HIPK3: variants seen among roughly 807,000 people sequenced by gnomAD.
HIPK3 encodes the protein homeodomain-interacting protein kinase 3.
Under a neutral mutation model 124.2 loss-of-function variants are expected in HIPK3, and 47 were observed. The ratio of observed to expected loss-of-function variants is 0.38; its 90% CI spans 0.30 to 0.48. The LOEUF (loss-of-function observed/expected upper bound fraction) is 0.48. Among genes scored for constraint, HIPK3 ranks in the 20% least tolerant of loss-of-function variants. The probability of loss-of-function intolerance (pLI) is 0.98; values close to 1 mark genes in which losing one functional copy is unlikely to be tolerated. For missense variants in HIPK3, 1,286 were observed against 1,454.3 expected (o/e 0.88, Z 1.88); for synonymous variants, 482 against 515.2 (o/e 0.94, Z 0.87).
chr11:33,281,058 C>CTTTTTTTTTTTTTTT lies in HIPK3; in HGVS notation c.-2-5340_-2-5326dup, dbSNP rs56902582. On this transcript the variant is annotated intron_variant, in intron 1 of 16. Coordinates refer to ENST00000303296, the MANE Select transcript of HIPK3 (RefSeq NM_005734.5). ...TTTATGTGTATATTTACTTATTTGA[C>CTTTTTTTTTTTTTTT]TTTTTTTTTTTTTTTTTTTTTTTTT... 1.3e-4 allele frequency among the ~76,000 whole-genome samples: 15 copies of CTTTTTTTTTTTTTTT among 111,810 alleles called. 2 individuals carry two copies. The highest frequency in any genetic ancestry group is 2.1e-4 in the Non-Finnish European group (12 of 57,446). 73.4% of individuals were successfully genotyped at this position (111,810 alleles called of 152,430 possible).
At chr11:33,318,812 A>G (rs1454831338) in intron 2 of HIPK3, among the ~76,000 whole-genome samples, 1 of 152,260 alleles carries the variant, frequency 6.6e-6, no homozygotes, top group Admixed American at 6.5e-5. Context: ...TCTGTAGAAA[A>G]TAAAATCAGA....
chr11:33,301,036 G>C (rs746676550), intron 2 of HIPK3, among the ~76,000 whole-genome samples: 1 of 152,082 alleles, frequency 6.6e-6, no homozygotes, highest in Non-Finnish European at 1.5e-5. Context: ...ATGTCTATCT[G>C]TTTGTATATT....
At chr11:33,259,924 A>G (rs1417624374) in intron 1 of HIPK3, among the ~76,000 whole-genome samples, 1 of 152,016 alleles carries the variant, frequency 6.6e-6, no homozygotes, top group Non-Finnish European at 1.5e-5. Context: ...TAAATGTTTC[A>G]ACTTTATATT....
intron 1 of HIPK3, among the ~76,000 whole-genome samples, chr11:33,271,141 C>T (rs940511773): frequency 3.8e-4 from 58 of 152,072 alleles, no homozygotes; most frequent in African/African-American, 1.2e-3. Flanking sequence ...TTGCAAGGTT[C>T]TATGAATAAA....
At chr11:33,258,083 C>T (rs1850715954) in intron 1 of HIPK3, among the ~76,000 whole-genome samples, 194 bp downstream of exon 1, 2 of 152,088 alleles carry the variant, frequency 1.3e-5, no homozygotes, top group African/African-American at 4.8e-5. Context: ...CGCCCTAGCC[C>T]CTGCAGTGTG....
intron 2 of HIPK3, among the ~76,000 whole-genome samples, chr11:33,295,283 C>G (rs1190312192): frequency 3.4e-5 from 5 of 149,102 alleles, no homozygotes; most frequent in South Asian, 2.1e-4. Flanking sequence ...CACCGCCCCC[C>G]CCCCACAACT....
chr11:33,270,224 C>T (rs902395909), intron 1 of HIPK3, among the ~76,000 whole-genome samples: 1 of 152,196 alleles, frequency 6.6e-6, no homozygotes, highest in African/African-American at 2.4e-5. Context: ...AGGTGATCCA[C>T]CTGCCTCATC....
rs595906 is a variant in HIPK3, at chr11:33,352,501, A to G, written c.3171+236A>G. Among the ~76,000 whole-genome samples, 1,218 of 152,298 alleles carry G rather than the reference A, an allele frequency of 8.0e-3. 15 individuals are homozygous for G. The highest frequency in any genetic ancestry group is 0.028 in the African/African-American group (1,150 of 41,552). On this transcript the variant is annotated intron_variant, in intron 16 of 16. Coordinates refer to ENST00000303296, the MANE Select transcript of HIPK3 (RefSeq NM_005734.5). ...CCTTAGGTTCTCTTACATAATATTA[A>G]CAGAGTGTGTCTGTTATCTCAGAAC...
chr11:33,287,333 G>A lies in HIPK3; in HGVS notation c.919G>A (p.Ala307Thr), dbSNP rs368956023. The A allele has an allele frequency of 1.2e-6, 2 of 1,614,112 alleles. No individual in the cohort carries two copies. Among genetic ancestry groups the A allele is most frequent in the Non-Finnish European group, 1.7e-6 (2 of 1,180,006 alleles). ...GATTCGGCCCATTCTTCAACAAGTG[G>A]CCACTGCACTGAAAAAATTGAAAAG... Reference protein sequence around the residue: ...KVIRPILQQVATALKKLKSLG... With the variant: ...KVIRPILQQVTTALKKLKSLG... The change falls in exon 2 of 17, where the codon GCC (alanine) becomes ACC (threonine). Residue 307 changes from alanine to threonine, a missense_variant. Coordinates refer to ENST00000303296, the MANE Select transcript of HIPK3 (RefSeq NM_005734.5).
intron 1 of HIPK3, among the ~76,000 whole-genome samples, chr11:33,275,476 T>A (rs1248925874): frequency 6.6e-6 from 1 of 152,214 alleles, no homozygotes; most frequent in Non-Finnish European, 1.5e-5. Context: ...TACCAACTTA[T>A]TGTCTAGTGT....
intron 1 of HIPK3, among the ~76,000 whole-genome samples, chr11:33,275,186 C>G (rs868404664): frequency 6.6e-6 from 1 of 151,880 alleles, no homozygotes; most frequent in Non-Finnish European, 1.5e-5. Context: ...ATTGCAGTTG[C>G]GTGCCACCAT....
At chr11:33,282,680 CA>C (rs61598767) in intron 1 of HIPK3, among the ~76,000 whole-genome samples, 33,011 of 146,396 alleles carry the variant, frequency 0.23, 4,032 homozygotes, top group East Asian at 0.35. Context: ...GAGACTGTAT[CA>C]AAAAAAAAAA....
intron 3 of HIPK3, among the ~76,000 whole-genome samples, chr11:33,331,715 A>G (rs1421482633): frequency 1.3e-5 from 2 of 152,056 alleles, no homozygotes; most frequent in African/African-American, 2.4e-5. Context: ...TTTGCCTTAC[A>G]GTGGCAGTGC....
chr11:33,353,574 A>G lies in HIPK3; in HGVS notation c.*6A>G. On this transcript the variant is annotated 3_prime_UTR_variant, in exon 17 of 17. Transcript: ENST00000303296. ...GCCAGTATCCATATATGTGAAAAAC[A>G]GTATATTGGGGAAGCTCAATGATAC... is the stretch of plus-strand genomic sequence containing the variant. 1 of 1,521,018 alleles carries G rather than the reference A, an allele frequency of 6.6e-7. No individual in the cohort carries two copies. The allele number at this position is 1,521,018 out of a possible 1,614,324, so 94.2% of individuals were successfully genotyped here. A position where few individuals can be genotyped will look rare whatever the true frequency, so the allele number is the denominator to read the frequency against.
In HIPK3 at chr11:33,342,716, T is replaced by G. The variant is rs139628618; in HGVS notation, c.1897+1030T>G. Among the ~76,000 whole-genome samples, 1,147 of 152,206 alleles carry G rather than the reference T, an allele frequency of 7.5e-3. 4 individuals carry two copies. Among genetic ancestry groups the G allele is most frequent in the Non-Finnish European group, 0.014 (933 of 68,004 alleles). On this transcript the variant is annotated intron_variant, in intron 8 of 16. Coordinates refer to ENST00000303296, the MANE Select transcript of HIPK3 (RefSeq NM_005734.5). ...GATTACAGGCATGCGCCACCACGCC[T>G]GGCTAATTTTGTATTTTTAGTAGAG...
In HIPK3 at chr11:33,290,315, G is replaced by A. The variant is rs191515455; in HGVS notation, c.1097+2804G>A. ...TAGATTTATTAGATATCTGTGCTCC[G>A]CAAAAGATTTTTTTTTCAATATACA... On this transcript the variant is annotated intron_variant, in intron 2 of 16. Coordinates refer to ENST00000303296, the MANE Select transcript of HIPK3 (RefSeq NM_005734.5). Among the ~76,000 whole-genome samples, 72 of 151,940 alleles carry A rather than the reference G, an allele frequency of 4.7e-4. 1 individual carries two copies. The highest frequency in any genetic ancestry group is 3.3e-3 in the Admixed American group (51 of 15,260).
At chr11:33,303,532 A>C (rs1156248439) in intron 2 of HIPK3, among the ~76,000 whole-genome samples, 2 of 152,170 alleles carry the variant, frequency 1.3e-5, no homozygotes, top group Admixed American at 1.3e-4. Context: ...TGTGCTATAT[A>C]TGTAGCTTTG....
chr11:33,321,296 A>T (rs994271393), intron 2 of HIPK3, among the ~76,000 whole-genome samples: 1 of 152,216 alleles, frequency 6.6e-6, no homozygotes, highest in African/African-American at 2.4e-5. Context: ...GAATGAGTTC[A>T]AGATGGGGGT....
chr11:33,353,449 A>C lies in HIPK3; in HGVS notation c.3529A>C (p.Thr1177Pro). 3 of 1,613,684 alleles carry C rather than the reference A, an allele frequency of 1.9e-6. No homozygotes were observed. Among genetic ancestry groups the C allele is most frequent in the Non-Finnish European group, 2.5e-6 (3 of 1,179,708 alleles). The part of the protein sequence containing the change: ...GLNPRLLPSP[T>P]IHQTQYKPIF... ...AAATCCCCGTCTGTTACCATCCCCA[A>C]CCATTCATCAGACTCAGTACAAACC... Residue 1177 changes from threonine to proline, a missense_variant, in exon 17 of 17, where the codon ACC becomes CCC. By Grantham distance (38) the Thr-to-Pro change is conservative. This residue lies in a region of HIPK3 where 810 missense variants were observed against 864.9 expected (regional missense o/e 0.94). Coordinates refer to ENST00000303296, the MANE Select transcript of HIPK3 (RefSeq NM_005734.5).
Sources: allele counts gnomAD v4.1 joint callset (sites outside exome capture counted in the v4.1 genomes callset), GRCh38; gene constraint gnomAD v4.1.1; regional missense constraint gnomAD v4.1.1; transcripts MANE v1.5; gene names NCBI Gene and HGNC (gene_info 2026-07-23, HGNC 2026-07-21).